STRN3: variants seen among roughly 807,000 people sequenced by gnomAD.
STRN3 encodes the protein striatin 3.
STRN3 carries 29 observed loss-of-function variants against 95.6 expected under a neutral mutation model. The ratio of observed to expected loss-of-function variants is 0.30; its 90% CI spans 0.23 to 0.41. The LOEUF (loss-of-function observed/expected upper bound fraction) is 0.41. STRN3 is among the 10% of genes least tolerant of loss of function. STRN3 has a pLI of 1.00. For synonymous variants in STRN3, 331 were observed against 357.6 expected, an observed-to-expected ratio of 0.93 and a Z score of 0.84; for missense variants, 890 against 972.1, an observed-to-expected ratio of 0.92 and a Z score of 1.12.
intron 5 of STRN3, among the ~76,000 whole-genome samples, chr14:30,942,741 T>C (rs186867033): frequency 1.4e-4 from 21 of 152,194 alleles, no homozygotes; most frequent in Admixed American, 1.3e-3. Context: ...AGAAATACAA[T>C]AGTGCCACTC....
chr14:30,981,719 A>G (rs1161447862), intron 1 of STRN3, among the ~76,000 whole-genome samples: 1 of 152,206 alleles, frequency 6.6e-6, no homozygotes, highest in Non-Finnish European at 1.5e-5. Flanking sequence ...CTGTCTTTTC[A>G]AAGAGGATGG....
chr14:31,000,005 A>G (rs1882371673), intron 1 of STRN3, among the ~76,000 whole-genome samples: 1 of 152,234 alleles, frequency 6.6e-6, no homozygotes, highest in South Asian at 2.1e-4. Flanking sequence ...AAGTGCTGAA[A>G]GAAAAGAGAT....
intron 1 of STRN3, among the ~76,000 whole-genome samples, chr14:30,963,559 C>T (rs1880320217): frequency 6.6e-6 from 1 of 152,198 alleles, no homozygotes; most frequent in Non-Finnish European, 1.5e-5. Context: ...CAGGCACACG[C>T]CACCAAACCC....
chr14:30,919,165 A>T, intron 8 of STRN3, 59 bp from the exon 9 acceptor site: 1 of 1,441,302 alleles, frequency 6.9e-7, no homozygotes, highest in African/African-American at 1.4e-5. Flanking sequence ...ACTTTCCGGC[A>T]GCCTTTAAAA....
chr14:30,897,237 CA>C (rs1255582069), intron 16 of STRN3, among the ~76,000 whole-genome samples: 1 of 152,068 alleles, frequency 6.6e-6, no homozygotes, highest in Non-Finnish European at 1.5e-5. Context: ...GACCTGAATA[CA>C]AAACCACAAC....
chr14:30,914,608 T>C (rs1896689875), intron 9 of STRN3, among the ~76,000 whole-genome samples: 1 of 152,212 alleles, frequency 6.6e-6, no homozygotes, highest in African/African-American at 2.4e-5. Context: ...TGCCTCGGCC[T>C]CCCAAAGTGC....
chr14:30,950,120 C>A (rs1411325955), intron 4 of STRN3, among the ~76,000 whole-genome samples: 1 of 151,452 alleles, frequency 6.6e-6, no homozygotes, highest in Non-Finnish European at 1.5e-5. Flanking sequence ...ATAAAAGCAA[C>A]CATAGGTAGA....
intron 8 of STRN3, among the ~76,000 whole-genome samples, chr14:30,922,596 C>T (rs1161300650): frequency 1.3e-5 from 2 of 152,120 alleles, no homozygotes; most frequent in African/African-American, 2.4e-5. Context: ...CTCAAATGAG[C>T]CCTCCCTTTG....
intron 1 of STRN3, among the ~76,000 whole-genome samples, chr14:30,992,078 T>TCAA (rs10667506): frequency 0.1 from 15,500 of 151,634 alleles, 1,313 homozygotes; most frequent in African/African-American, 0.2. Context: ...TATGGAAAAC[T>TCAA]CAACAACAAC....
At chr14:30,971,001 C>T (rs2139194419) in intron 1 of STRN3, among the ~76,000 whole-genome samples, 1 of 152,216 alleles carries the variant, frequency 6.6e-6, no homozygotes, top group East Asian at 1.9e-4. Flanking sequence ...TCCCAAAATC[C>T]GGCACCCTGC....
chr14:30,958,057 G>A (rs1036802086), intron 1 of STRN3, among the ~76,000 whole-genome samples: 5 of 152,198 alleles, frequency 3.3e-5, no homozygotes, highest in Non-Finnish European at 5.9e-5. Flanking sequence ...AAGTTTGTAT[G>A]AAATTATCTA....
intron 10 of STRN3, 94 bp from the exon 11 acceptor site, chr14:30,912,276 T>A (rs1490380120): frequency 1.6e-6 from 2 of 1,226,146 alleles, no homozygotes; most frequent in Non-Finnish European, 2.2e-6. Flanking sequence ...GTTTAACACA[T>A]ATATTTAAAA....
intron 8 of STRN3, among the ~76,000 whole-genome samples, chr14:30,924,285 A>ATTTTTTTTTTTTTTT (rs1566438140): frequency 8.9e-5 from 3 of 33,556 alleles, no homozygotes; most frequent in African/African-American, 3.0e-4. Context: ...CATGCCTTAA[A>ATTTTTTTTTTTTTTT]TCTTTTTTTT....
At chr14:30,896,401 G>A (rs1896150935) in intron 16 of STRN3, among the ~76,000 whole-genome samples, 1 of 152,180 alleles carries the variant, frequency 6.6e-6, no homozygotes, top group Non-Finnish European at 1.5e-5. Context: ...GGAGGCTGAG[G>A]TTGTGGAATC....
At chr14:30,928,808 C>T (rs767342935) in intron 8 of STRN3, among the ~76,000 whole-genome samples, 1 of 152,062 alleles carries the variant, frequency 6.6e-6, no homozygotes, top group Non-Finnish European at 1.5e-5. Flanking sequence ...TAAGGATTCC[C>T]AAACTAAGAA....
At chr14:31,010,030 A>T (rs1478901883) in intron 1 of STRN3, among the ~76,000 whole-genome samples, 1 of 152,150 alleles carries the variant, frequency 6.6e-6, no homozygotes, top group Non-Finnish European at 1.5e-5. Context: ...TTGAGCCCAG[A>T]AGGACAAAGC....
chr14:31,007,499 T>C (rs541090193), intron 1 of STRN3, among the ~76,000 whole-genome samples: 2 of 152,302 alleles, frequency 1.3e-5, no homozygotes, highest in East Asian at 3.9e-4. Context: ...AATATACATC[T>C]TAAGAGTTAC....
At chr14:30,956,712 G>T (rs745595076) in intron 1 of STRN3, among the ~76,000 whole-genome samples, 3 of 151,952 alleles carry the variant, frequency 2.0e-5, no homozygotes, top group Non-Finnish European at 2.9e-5. Flanking sequence ...ACATAACCTT[G>T]AAAGAAAAAT....
chr14:30,988,337 A>C (rs1198671079), intron 1 of STRN3, among the ~76,000 whole-genome samples: 1 of 152,184 alleles, frequency 6.6e-6, no homozygotes, highest in East Asian at 1.9e-4. Context: ...ATAAACAAAA[A>C]GCTGTTCCAG....
Sources: gnomAD v4.1 joint callset for allele counts (sites outside exome capture counted in the v4.1 genomes callset) on GRCh38, gnomAD v4.1.1 for gene constraint, MANE v1.5 for transcripts, NCBI Gene and HGNC (gene_info 2026-07-23, HGNC 2026-07-21) for gene names.